The following CTNNA3 variants were observed in gnomAD, a reference collection of about 807,000 sequenced individuals.
CTNNA3 encodes catenin alpha-3.
A neutral mutation model predicts 95.7 loss-of-function variants in CTNNA3; 76 were observed. The ratio of observed to expected loss-of-function variants is 0.79; its 90% CI spans 0.66 to 0.96. CTNNA3 has a LOEUF of 0.96. Among genes scored for constraint, CTNNA3 ranks in the 40% least tolerant of loss-of-function variants. CTNNA3 has a pLI of 0.00. For synonymous variants in CTNNA3, 431 were observed against 374.4 expected (o/e 1.15, Z -1.74); for missense variants, 1,191 against 1,089.8 (o/e 1.09, Z -1.31).
intron 15 of CTNNA3, among the ~76,000 whole-genome samples, chr10:66,031,067 T>C (rs2079440151): frequency 1.3e-5 from 2 of 152,070 alleles, no homozygotes; most frequent in Admixed American, 6.6e-5. Context: ...TAGATGGTGG[T>C]GAGGATGTAG....
intron 15 of CTNNA3, among the ~76,000 whole-genome samples, chr10:66,009,842 C>T (rs148700802): frequency 2.8e-4 from 42 of 152,306 alleles, no homozygotes; most frequent in African/African-American, 9.4e-4. Context: ...TCTGGAGACA[C>T]AACAGTAGAG....
intron 3 of CTNNA3, among the ~76,000 whole-genome samples, chr10:67,555,575 G>A (rs909639596): frequency 1.3e-5 from 2 of 152,122 alleles, no homozygotes; most frequent in Admixed American, 1.3e-4. Context: ...TGGTATATAG[G>A]AATGCTTGTG....
At position 67,749,566 on chromosome 10, in the gene CTNNA3, G is replaced by A. The variant is rs529956510; in HGVS notation, c.-2+13868C>T. Among the ~76,000 whole-genome samples, 3 of 152,226 alleles carry A rather than the reference G, an allele frequency of 2.0e-5. 1 individual carries two copies. The highest frequency in any genetic ancestry group is 7.2e-5 in the African/African-American group (3 of 41,544). On this transcript the variant is annotated intron_variant, in intron 1 of 17. Transcript: ENST00000684154. ...ACAACCTGCTCCGAATGACTCCTAG[G>A]TAAATAATGAAATTAAGAGAGACAT...
rs559016352 is a variant in CTNNA3, at chr10:67,002,912, C to T, written c.1047+177405G>A. Among the ~76,000 whole-genome samples the T allele has an allele frequency of 8.8e-4, 134 of 152,258 alleles. 1 individual carries two copies. The highest frequency in any genetic ancestry group is 5.9e-4 in the Admixed American group (9 of 15,290). On this transcript the variant is annotated intron_variant, in intron 7 of 17. Coordinates refer to ENST00000433211, the MANE Select transcript of CTNNA3 (RefSeq NM_013266.4). ...AACTTAGTATCATTATTATTCTAAACATACCAAGGCTCAAGTTTTCATTAC... is the reference window on the plus strand; with the variant it reads ...AACTTAGTATCATTATTATTCTAAATATACCAAGGCTCAAGTTTTCATTAC...
At chr10:67,749,453 A>G (rs954376653) in intron 1 of CTNNA3, among the ~76,000 whole-genome samples, 1 of 152,214 alleles carries the variant, frequency 6.6e-6, no homozygotes, top group African/African-American at 2.4e-5. Context: ...TGAAATCATA[A>G]CAAACAGTCT....
At chr10:65,922,762 T>C (rs1411793781) in intron 17 of CTNNA3, among the ~76,000 whole-genome samples, 2 of 152,172 alleles carry the variant, frequency 1.3e-5, no homozygotes, top group Non-Finnish European at 2.9e-5. Flanking sequence ...TTTTTAAAGT[T>C]GTATTCGTTC....
chr10:67,186,958 T>C (rs1353533558), intron 6 of CTNNA3, among the ~76,000 whole-genome samples: 1 of 152,200 alleles, frequency 6.6e-6, no homozygotes, highest in Non-Finnish European at 1.5e-5. Flanking sequence ...GCAGATAGCC[T>C]GGGTTTGAAT....
intron 5 of CTNNA3, among the ~76,000 whole-genome samples, chr10:67,463,473 C>A (rs543721166): frequency 6.6e-6 from 1 of 152,100 alleles, no homozygotes; most frequent in Admixed American, 6.6e-5. Context: ...AAAAGGACAT[C>A]GCCTTTCTAG....
intron 9 of CTNNA3, among the ~76,000 whole-genome samples, chr10:66,689,629 A>G (rs1439324774): frequency 6.6e-6 from 1 of 152,212 alleles, no homozygotes; most frequent in East Asian, 1.9e-4. Context: ...TAAATAGACA[A>G]TTTTGATATC....
rs988367086 is a variant in CTNNA3, at chr10:67,012,460, T to C, written c.1047+167857A>G. ...GTTATAGCTCACAATTGTGAGGAAATTATAAATATTTGCCTTTATGATTTT... is the reference window on the plus strand; with the variant it reads ...GTTATAGCTCACAATTGTGAGGAAACTATAAATATTTGCCTTTATGATTTT... On this transcript the variant is annotated intron_variant, in intron 7 of 17. Transcript: ENST00000433211. 3.3e-5 allele frequency: 5 copies of C among 152,188 alleles called. No individual in the cohort carries two copies. In the East Asian group the frequency reaches 9.6e-4, roughly 29 times the overall value. 9.4% of individuals were successfully genotyped at this position (152,188 alleles called of 1,614,324 possible).
intron 5 of CTNNA3, among the ~76,000 whole-genome samples, chr10:67,316,381 T>C (rs1841050618): frequency 6.6e-6 from 1 of 152,200 alleles, no homozygotes; most frequent in Admixed American, 6.5e-5. Flanking sequence ...CATCATTTTA[T>C]AACAAAAGCT....
At chr10:66,579,816 C>T (rs1201938270) in intron 10 of CTNNA3, among the ~76,000 whole-genome samples, 3 of 151,668 alleles carry the variant, frequency 2.0e-5, no homozygotes, top group Non-Finnish European at 1.5e-5. Context: ...TTTTTGCTGG[C>T]TTCCCTGGTT....
chr10:67,524,325 CA>C (rs1840073373), intron 4 of CTNNA3, among the ~76,000 whole-genome samples: 1 of 145,228 alleles, frequency 6.9e-6, no homozygotes, highest in Non-Finnish European at 1.5e-5. Flanking sequence ...GTGAACCCGG[CA>C]GGCGGAGCTT....
At chr10:67,393,781 G>T (rs1326111683) in intron 5 of CTNNA3, among the ~76,000 whole-genome samples, 1 of 152,100 alleles carries the variant, frequency 6.6e-6, no homozygotes, top group African/African-American at 2.4e-5. Flanking sequence ...GATTCTTCTA[G>T]CTATCAAGGT....
chr10:66,962,701 G>A (rs191433957), intron 7 of CTNNA3, among the ~76,000 whole-genome samples: 3 of 152,094 alleles, frequency 2.0e-5, no homozygotes, highest in Admixed American at 6.6e-5. Context: ...GTGAGCCACC[G>A]TGCCTGGCCC....
intron 11 of CTNNA3, among the ~76,000 whole-genome samples, chr10:66,464,012 T>C (rs1225403262): frequency 6.6e-6 from 1 of 152,134 alleles, no homozygotes; most frequent in African/African-American, 2.4e-5. Context: ...ATTGTATTGT[T>C]GGCATTTGAT....
At chr10:66,338,213 T>G (rs991990803) in intron 12 of CTNNA3, among the ~76,000 whole-genome samples, 2 of 152,002 alleles carry the variant, frequency 1.3e-5, no homozygotes, top group African/African-American at 2.4e-5. Flanking sequence ...GACCACATGT[T>G]GCATAATTCG....
chr10:66,722,914 A>G lies in CTNNA3; in HGVS notation c.1281+43350T>C, dbSNP rs570500241. ...GGATTGGGACTCAAGAGATTCCAGG[A>G]AAGTCAGTGTCCCTTCCGTCCAATC... On this transcript the variant is annotated intron_variant, in intron 9 of 17. Transcript: ENST00000433211. Among the ~76,000 whole-genome samples the G allele has an allele frequency of 2.6e-5, 4 of 152,220 alleles. No homozygotes were observed. In the East Asian group the frequency reaches 7.8e-4, roughly 29 times the overall value.
Position 67,174,481 on chromosome 10 carries a change from C to T in CTNNA3, c.1047+5836G>A, listed in dbSNP as rs1589822853. ...AGAAGGATTTGGAATCATTATTTAA[C>T]AGTCATCTATGGAATTAAGGAACAT... On this transcript the variant is annotated intron_variant, in intron 7 of 17. Coordinates refer to ENST00000433211, the MANE Select transcript of CTNNA3 (RefSeq NM_013266.4). Among the ~76,000 whole-genome samples the T allele has an allele frequency of 2.0e-5, 3 of 152,254 alleles. No individual in the cohort carries two copies. The South Asian group carries it at 6.2e-4, about 32-fold the overall frequency.
Sources: allele counts gnomAD v4.1 joint callset (sites outside exome capture counted in the v4.1 genomes callset), GRCh38; gene constraint gnomAD v4.1.1; transcripts MANE v1.5; gene names NCBI Gene and HGNC (gene_info 2026-07-23, HGNC 2026-07-21).